METAP1D: variants seen among roughly 807,000 people sequenced by gnomAD.
The protein encoded by METAP1D is methionyl aminopeptidase type 1D, mitochondrial.
In METAP1D, 31 loss-of-function variants were observed where a neutral mutation model predicts 40.5. The ratio of observed to expected loss-of-function variants is 0.77; its 90% CI spans 0.58 to 1.03. The LOEUF (loss-of-function observed/expected upper bound fraction) is 1.03. Among genes scored for constraint, METAP1D ranks in the 50% least tolerant of loss-of-function variants. The probability of loss-of-function intolerance (pLI) is 0.00; values close to 1 mark genes in which losing one functional copy is unlikely to be tolerated. For missense variants in METAP1D, 411 were observed against 420.7 expected, an observed-to-expected ratio of 0.98 and a Z score of 0.20; for synonymous variants, 151 against 146.4, an observed-to-expected ratio of 1.03 and a Z score of -0.22.
chr2:172,050,396 T>C (rs1164828680), intron 1 of METAP1D, among the ~76,000 whole-genome samples: 1 of 152,080 alleles, frequency 6.6e-6, no homozygotes, highest in Non-Finnish European at 1.5e-5. Flanking sequence ...GTCTGGAGGT[T>C]TTTTTAAGAA....
intron 1 of METAP1D, among the ~76,000 whole-genome samples, chr2:172,036,962 A>C (rs1483127006): frequency 1.3e-5 from 2 of 152,206 alleles, no homozygotes; most frequent in Non-Finnish European, 2.9e-5. Context: ...TTGTAATGTT[A>C]AAGTCTAGGT....
At chr2:172,005,943 A>G (rs775979145) in intron 1 of METAP1D, among the ~76,000 whole-genome samples, 2 of 152,178 alleles carry the variant, frequency 1.3e-5, no homozygotes, top group Admixed American at 6.5e-5. Flanking sequence ...TACAGGGCAT[A>G]TAGACCCTCA....
intron 1 of METAP1D, among the ~76,000 whole-genome samples, chr2:172,035,265 C>T (rs1353126316): frequency 1.3e-5 from 2 of 151,826 alleles, no homozygotes; most frequent in Non-Finnish European, 2.9e-5. Flanking sequence ...CCCGGGTTCA[C>T]GCCATTCTCC....
At chr2:172,054,941 CT>C in intron 1 of METAP1D, among the ~76,000 whole-genome samples, 1 of 152,198 alleles carries the variant, frequency 6.6e-6, no homozygotes, top group African/African-American at 2.4e-5. Context: ...GATTTACTCC[CT>C]AAGAAAACCC....
chr2:172,007,733 A>G (rs962591934), intron 1 of METAP1D, among the ~76,000 whole-genome samples: 14 of 152,176 alleles, frequency 9.2e-5, no homozygotes, highest in African/African-American at 2.9e-4. Context: ...TCTGTTGCCC[A>G]GGATGGAGTG....
chr2:172,078,662 G>A (rs756228738), intron 7 of METAP1D, among the ~76,000 whole-genome samples: 5 of 152,192 alleles, frequency 3.3e-5, no homozygotes, highest in Non-Finnish European at 7.4e-5. Flanking sequence ...AACCCTCTTT[G>A]GACCAAAGAG....
Position 172,080,118 on chromosome 2 carries a change from C to G in METAP1D, c.851-10C>G. 1 of 1,609,708 alleles carries G rather than the reference C, an allele frequency of 6.2e-7. No homozygotes were observed. The highest frequency in any genetic ancestry group is 8.5e-7 in the Non-Finnish European group (1 of 1,177,034). On this transcript the variant is annotated splice_polypyrimidine_tract_variant and intron_variant, in intron 8 of 9. Coordinates refer to ENST00000315796, the MANE Select transcript of METAP1D (RefSeq NM_199227.3). The stretch of plus-strand genomic sequence containing the variant: ...TGAGGTCACTGCAGTAAATATTTTT[C>G]CTCTTACAGAGCCAATCATCACGGA...
Position 172,016,300 on chromosome 2 carries a change from AATATATATATAT to A in METAP1D, c.40+16311_40+16322del, listed in dbSNP as rs1188835723. Among the ~76,000 whole-genome samples, 132 of 40,034 alleles carry A rather than the reference AATATATATATAT, an allele frequency of 3.3e-3. 1 individual carries two copies. Among genetic ancestry groups the A allele is most frequent in the Non-Finnish European group, 4.6e-3 (101 of 21,784 alleles). 26.3% of individuals were successfully genotyped at this position (40,034 alleles called of 152,430 possible). Reference sequence around the variant, plus strand: ...CAAAAAAAAAAAAAAAAAAAAAAAAAATATATATATATATATATATATATATATATAAATAGT... The same window carrying A: ...CAAAAAAAAAAAAAAAAAAAAAAAAAATATATATATATATATATAAATAGT... On this transcript the variant is annotated intron_variant, in intron 1 of 9. Coordinates refer to ENST00000315796, the MANE Select transcript of METAP1D (RefSeq NM_199227.3).
intron 1 of METAP1D, among the ~76,000 whole-genome samples, chr2:172,051,413 T>C (rs1323689676): frequency 6.6e-6 from 1 of 152,212 alleles, no homozygotes; most frequent in African/African-American, 2.4e-5. Flanking sequence ...GTGCTGGTGG[T>C]GTACATTAGT....
At chr2:172,037,823 C>T (rs886485211) in intron 1 of METAP1D, among the ~76,000 whole-genome samples, 23 of 152,178 alleles carry the variant, frequency 1.5e-4, no homozygotes, top group African/African-American at 5.5e-4. Context: ...TTGAGCTTGA[C>T]ATGTTGTTTC....
intron 1 of METAP1D, among the ~76,000 whole-genome samples, chr2:172,041,010 C>A (rs1689508740): frequency 6.6e-6 from 1 of 151,668 alleles, no homozygotes; most frequent in Admixed American, 6.6e-5. Flanking sequence ...TTGTGATCCG[C>A]CCGCCTCGGC....
At chr2:172,007,841 C>T (rs1308087378) in intron 1 of METAP1D, among the ~76,000 whole-genome samples, 1 of 152,094 alleles carries the variant, frequency 6.6e-6, no homozygotes, top group Admixed American at 6.6e-5. Context: ...AGGCGCATGC[C>T]ACGACACCCG....
chr2:172,059,777 C>T (rs1232546661), intron 1 of METAP1D, among the ~76,000 whole-genome samples: 1 of 152,152 alleles, frequency 6.6e-6, no homozygotes, highest in East Asian at 1.9e-4. Flanking sequence ...TCTGGCCAGG[C>T]GCGGTGGCTA....
chr2:172,079,293 G>A (rs368216426), intron 8 of METAP1D, 31 bp downstream of exon 8: 70 of 1,610,864 alleles, frequency 4.3e-5, no homozygotes, highest in East Asian at 1.1e-4. Context: ...GAGTGAGTGC[G>A]TAGCTCCTGG....
At chr2:172,003,638 C>T (rs922642002) in intron 1 of METAP1D, among the ~76,000 whole-genome samples, 2 of 152,166 alleles carry the variant, frequency 1.3e-5, no homozygotes, top group Admixed American at 1.3e-4. Context: ...TATACATTTC[C>T]TGAGGCCTCC....
intron 1 of METAP1D, among the ~76,000 whole-genome samples, chr2:172,018,474 A>G (rs1447169595): frequency 6.6e-6 from 1 of 152,242 alleles, no homozygotes; most frequent in Non-Finnish European, 1.5e-5. Context: ...GTATCTCTTG[A>G]TACAAGAGTG....
intron 1 of METAP1D, among the ~76,000 whole-genome samples, chr2:172,053,052 C>T (rs1689919090): frequency 6.6e-6 from 1 of 152,164 alleles, no homozygotes; most frequent in South Asian, 2.1e-4. Flanking sequence ...CACCTTAGTA[C>T]TAGATTATAA....
chr2:172,079,664 C>T (rs1690651915), intron 8 of METAP1D, among the ~76,000 whole-genome samples: 1 of 152,094 alleles, frequency 6.6e-6, no homozygotes, highest in Non-Finnish European at 1.5e-5. Context: ...TCACCTAGGG[C>T]CGTAAAGACA....
At chr2:172,033,188 C>G (rs892283021) in intron 1 of METAP1D, among the ~76,000 whole-genome samples, 1 of 151,902 alleles carries the variant, frequency 6.6e-6, no homozygotes, top group African/African-American at 2.4e-5. Flanking sequence ...CACCAAGATA[C>G]AACTGGTAAG....
Sources: allele counts gnomAD v4.1 joint callset (sites outside exome capture counted in the v4.1 genomes callset), GRCh38; gene constraint gnomAD v4.1.1; transcripts MANE v1.5; gene names NCBI Gene and HGNC (gene_info 2026-07-23, HGNC 2026-07-21).